The following FAM222B variants were observed in gnomAD, a reference collection of about 807,000 sequenced individuals.
The protein encoded by FAM222B is protein FAM222B.
In FAM222B, 12 loss-of-function variants were observed where a neutral mutation model predicts 38.0. That is an observed-to-expected ratio of 0.32 (90% CI 0.20 to 0.51). FAM222B has a LOEUF of 0.51. Among genes scored for constraint, FAM222B ranks in the 20% least tolerant of loss-of-function variants. The pLI is 0.97. For synonymous variants in FAM222B, 329 were observed against 317.2 expected (o/e 1.04, Z -0.40); for missense variants, 716 against 754.2 (o/e 0.95, Z 0.59).
intron 1 of FAM222B, among the ~76,000 whole-genome samples, chr17:28,804,587 G>A (rs1021514630): frequency 6.6e-6 from 1 of 151,882 alleles, no homozygotes; most frequent in Non-Finnish European, 1.5e-5. Flanking sequence ...ACACACCTCG[G>A]CCTCCCAAAG....
intron 1 of FAM222B, among the ~76,000 whole-genome samples, chr17:28,811,457 CA>C (rs199982668): frequency 1.3e-5 from 2 of 151,938 alleles, no homozygotes; most frequent in African/African-American, 4.8e-5. Flanking sequence ...AAAACAAAAA[CA>C]AAAAAACCCC....
At chr17:28,788,192 T>C (rs1351124885) in intron 1 of FAM222B, among the ~76,000 whole-genome samples, 2 of 152,170 alleles carry the variant, frequency 1.3e-5, no homozygotes, top group African/African-American at 4.8e-5. Context: ...GCAGAATTAT[T>C]TGGCTCCCTT....
intron 1 of FAM222B, among the ~76,000 whole-genome samples, chr17:28,770,570 TA>T (rs66648858): frequency 0.19 from 27,472 of 148,292 alleles, 2,612 homozygotes; most frequent in South Asian, 0.29. Context: ...GCCCAGCTAA[TA>T]TTTTTTTTTT....
intron 1 of FAM222B, among the ~76,000 whole-genome samples, chr17:28,790,914 T>TTTTTTG (rs1411292044): frequency 7.8e-6 from 1 of 127,596 alleles, no homozygotes; most frequent in Non-Finnish European, 1.6e-5. Context: ...TTTTTTTTTT[T>TTTTTTG]TAGAGACAGA....
chr17:28,801,659 G>C (rs1311424104), intron 1 of FAM222B, among the ~76,000 whole-genome samples: 2 of 151,974 alleles, frequency 1.3e-5, no homozygotes, highest in Admixed American at 1.3e-4. Flanking sequence ...ATTCCCAGCT[G>C]AATAGCTGGG....
chr17:28,819,396 G>A (rs779014121), intron 1 of FAM222B, among the ~76,000 whole-genome samples: 5 of 152,002 alleles, frequency 3.3e-5, no homozygotes, highest in Non-Finnish European at 7.4e-5. Context: ...AATACATAAA[G>A]TCAAAAATTA....
chr17:28,799,133 C>T (rs1038556041), intron 1 of FAM222B, among the ~76,000 whole-genome samples: 2 of 145,820 alleles, frequency 1.4e-5, no homozygotes, highest in Admixed American at 6.9e-5. Context: ...CACCACCATG[C>T]CCAGCTAATT....
intron 1 of FAM222B, among the ~76,000 whole-genome samples, chr17:28,814,633 A>C (rs1287448576): frequency 6.6e-6 from 1 of 151,860 alleles, no homozygotes; most frequent in Non-Finnish European, 1.5e-5. Flanking sequence ...CGCCTGGCTA[A>C]CTTTTGTATT....
intron 1 of FAM222B, among the ~76,000 whole-genome samples, chr17:28,832,691 A>T (rs749450218): frequency 4.6e-5 from 7 of 152,206 alleles, no homozygotes; most frequent in Admixed American, 6.6e-5. Context: ...AACTCTGGGT[A>T]TGAAGGAGAA....
At chr17:28,781,781 A>G (rs755592590) in intron 1 of FAM222B, among the ~76,000 whole-genome samples, 3 of 152,242 alleles carry the variant, frequency 2.0e-5, no homozygotes, top group Non-Finnish European at 2.9e-5. Flanking sequence ...AGTCTGACAC[A>G]GAAAGACAAA....
rs1052484922 is a variant in FAM222B at position 28,757,065 on chromosome 17, G to A, written c.*1205C>T. 3 of 152,666 alleles carry A rather than the reference G, an allele frequency of 2.0e-5. No individual in the cohort carries two copies. Among genetic ancestry groups the A allele is most frequent in the Non-Finnish European group, 4.4e-5 (3 of 68,048 alleles). 9.5% of individuals were successfully genotyped at this position (152,666 alleles called of 1,614,324 possible). A position where few individuals can be genotyped will look rare whatever the true frequency, so the allele number is the denominator to read the frequency against. On this transcript the variant is annotated 3_prime_UTR_variant, in exon 3 of 3. Coordinates refer to ENST00000581407, the MANE Select transcript of FAM222B (RefSeq NM_001077498.3). The stretch of plus-strand genomic sequence containing the variant: ...ATTGTCGCTTGGGATGAGACGTGCT[G>A]AGCATGGAGTGGATGAAGGTATGCT...
At chr17:28,800,949 G>A (rs1007883904) in intron 1 of FAM222B, among the ~76,000 whole-genome samples, 1 of 151,092 alleles carries the variant, frequency 6.6e-6, no homozygotes, top group African/African-American at 2.4e-5. Flanking sequence ...CACAAGGTCA[G>A]GGGTTCGAGA....
At chr17:28,820,118 T>C (rs1231478788) in intron 1 of FAM222B, among the ~76,000 whole-genome samples, 1 of 152,210 alleles carries the variant, frequency 6.6e-6, no homozygotes, top group Non-Finnish European at 1.5e-5. Flanking sequence ...AAAAACAATA[T>C]ATACGATCCC....
intron 1 of FAM222B, among the ~76,000 whole-genome samples, chr17:28,769,280 G>C (rs531659365): frequency 7.1e-6 from 1 of 141,684 alleles, no homozygotes; most frequent in African/African-American, 2.6e-5. Context: ...CCGGGTTCAC[G>C]CCATTCTCCT....
Position 28,758,304 on chromosome 17 carries a change from C to T in FAM222B, c.1655G>A (p.Arg552Gln), listed in dbSNP as rs771651778. Residue 552 changes from arginine (R) to glutamine (Q), a missense_variant, in exon 3 of 3, where the codon CGA becomes CAA. By Grantham distance (43) the Arg-to-Gln change is conservative. Coordinates refer to ENST00000581407, the MANE Select transcript of FAM222B (RefSeq NM_001077498.3). ...GNRAPDPTES[R>Q]SLHIQHPGYR ...CCCTGGGTGCTGAATATGAAGACTT[C>T]GACTCTCTGTGGGATCGGGGGCTCG... 67 of 1,601,374 alleles carry T rather than the reference C, an allele frequency of 4.2e-5. No homozygotes were observed. The highest frequency in any genetic ancestry group is 5.4e-5 in the African/African-American group (4 of 74,504).
chr17:28,796,844 T>C (rs2151888056), intron 1 of FAM222B, among the ~76,000 whole-genome samples: 1 of 152,288 alleles, frequency 6.6e-6, no homozygotes, highest in African/African-American at 2.4e-5. Context: ...TTATAACTAT[T>C]ATTTGCTAAT....
intron 1 of FAM222B, among the ~76,000 whole-genome samples, chr17:28,785,901 G>T (rs747620749): frequency 1.3e-5 from 2 of 152,106 alleles, no homozygotes; most frequent in Non-Finnish European, 2.9e-5. Flanking sequence ...GTAGAGACGG[G>T]GTTTCACCAT....
At chr17:28,788,566 G>A (rs2151862464) in intron 1 of FAM222B, among the ~76,000 whole-genome samples, 1 of 151,930 alleles carries the variant, frequency 6.6e-6, no homozygotes, top group African/African-American at 2.4e-5. Context: ...CAAAGTGTGT[G>A]ACTGCTTCTA....
intron 1 of FAM222B, among the ~76,000 whole-genome samples, chr17:28,793,631 G>C (rs1280891962): frequency 6.6e-6 from 1 of 152,058 alleles, no homozygotes; most frequent in Non-Finnish European, 1.5e-5. Context: ...GGTAGAACAA[G>C]TGTGTTATGA....
Sources: gnomAD v4.1 joint callset for allele counts (sites outside exome capture counted in the v4.1 genomes callset) on GRCh38, gnomAD v4.1.1 for gene constraint, MANE v1.5 for transcripts, NCBI Gene and HGNC (gene_info 2026-07-23, HGNC 2026-07-21) for gene names.